EGFR: variants seen among roughly 807,000 people sequenced by gnomAD.
EGFR encodes the protein epidermal growth factor receptor, also known as avian erythroblastic leukemia viral (v-erb-b) oncogene homolog.
In EGFR, 58 loss-of-function variants were observed where a neutral mutation model predicts 143.0. That is an observed-to-expected ratio of 0.41 (90% CI 0.33 to 0.50). The LOEUF is 0.50. Among genes scored for constraint, EGFR ranks in the 20% least tolerant of loss-of-function variants. The probability of loss-of-function intolerance (pLI) is 0.39; values close to 1 mark genes in which losing one functional copy is unlikely to be tolerated. For synonymous variants in EGFR, 613 were observed against 594.4 expected (o/e 1.03, Z -0.45); for missense variants, 1,307 against 1,579.0 (o/e 0.83, Z 2.92).
chr7:55,045,152 G>T (rs1249833736), intron 1 of EGFR, among the ~76,000 whole-genome samples: 1 of 152,166 alleles, frequency 6.6e-6, no homozygotes, highest in Non-Finnish European at 1.5e-5. Context: ...TGGAGTTGGA[G>T]ACCCCAGCTT....
chr7:55,121,609 C>T (rs1387666985), intron 1 of EGFR, among the ~76,000 whole-genome samples: 1 of 152,172 alleles, frequency 6.6e-6, no homozygotes. Context: ...TTGTTCTCTC[C>T]ATTGGAACTC....
chr7:55,137,029 A>G (rs1425771002), intron 1 of EGFR, among the ~76,000 whole-genome samples: 1 of 152,242 alleles, frequency 6.6e-6, no homozygotes, highest in Non-Finnish European at 1.5e-5. Context: ...CATGATTATT[A>G]TTAAGTTATT....
intron 1 of EGFR, among the ~76,000 whole-genome samples, chr7:55,055,704 GCA>G (rs796811031): frequency 0.055 from 5,953 of 108,368 alleles, 161 homozygotes; most frequent in Middle Eastern, 0.21. Context: ...CCTCTTGCAC[GCA>G]CACACACACA....
intron 1 of EGFR, among the ~76,000 whole-genome samples, chr7:55,022,520 C>T (rs1176234439): frequency 3.3e-5 from 5 of 152,164 alleles, no homozygotes. Context: ...TCACTTTGAC[C>T]CTTCAGGCTT....
At chr7:55,151,233 A>G (rs1785134893) in intron 4 of EGFR, 61 bp from the exon 5 acceptor site, 10 of 1,521,368 alleles carry the variant, frequency 6.6e-6, no homozygotes, top group Non-Finnish European at 9.1e-6. Context: ...GGCCCGGGAA[A>G]GGGCGTCATC....
At chr7:55,085,504 T>G (rs1220801891) in intron 1 of EGFR, among the ~76,000 whole-genome samples, 3 of 152,094 alleles carry the variant, frequency 2.0e-5, no homozygotes, top group Non-Finnish European at 4.4e-5. Context: ...AGATGAGGAG[T>G]GTTCTTATCT....
At chr7:55,019,558 A>T (rs1786398426) in intron 1 of EGFR, among the ~76,000 whole-genome samples, 193 bp downstream of exon 1, 1 of 151,896 alleles carries the variant, frequency 6.6e-6, no homozygotes, top group South Asian at 2.1e-4. Context: ...CGGCCGGGAG[A>T]GTCTGGGGCG....
chr7:55,168,694 C>T, intron 15 of EGFR: 1 of 1,088,152 alleles, frequency 9.2e-7, no homozygotes, highest in South Asian at 1.6e-5. Flanking sequence ...TGATTCTGAG[C>T]CTTTTTAGAT....
At chr7:55,175,217 T>C (rs1786545083) in intron 19 of EGFR, among the ~76,000 whole-genome samples, 1 of 152,224 alleles carries the variant, frequency 6.6e-6, no homozygotes, top group South Asian at 2.1e-4. Flanking sequence ...CCCTTGTTAT[T>C]TCTGACTCTG....
chr7:55,131,894 C>T (rs537421577), intron 1 of EGFR, among the ~76,000 whole-genome samples: 1 of 150,336 alleles, frequency 6.7e-6, no homozygotes, highest in South Asian at 2.1e-4. Flanking sequence ...TGGCCCAGTG[C>T]TGCAGAGGTC....
At chr7:55,082,104 C>CCT (rs1790497961) in intron 1 of EGFR, among the ~76,000 whole-genome samples, 1 of 152,174 alleles carries the variant, frequency 6.6e-6, no homozygotes, top group Admixed American at 6.5e-5. Flanking sequence ...CTAGGGCCTT[C>CCT]CTCTCACTGT....
At chr7:55,083,308 G>A (rs1325648655) in intron 1 of EGFR, among the ~76,000 whole-genome samples, 1 of 152,220 alleles carries the variant, frequency 6.6e-6, no homozygotes, top group Non-Finnish European at 1.5e-5. Flanking sequence ...TCTCCAGAAT[G>A]TATTTCAATC....
At chr7:55,081,298 G>A (rs570623550) in intron 1 of EGFR, among the ~76,000 whole-genome samples, 15 of 152,306 alleles carry the variant, frequency 9.8e-5, no homozygotes, top group African/African-American at 2.2e-4. Flanking sequence ...GCCACACACC[G>A]TAACGGAGAT....
rs2128971729 is a variant in EGFR, at chr7:55,201,324, C to T, written c.3083C>T (p.Ser1028Phe). 7 of 1,614,062 alleles carry T rather than the reference C, an allele frequency of 4.3e-6. No individual in the cohort carries two copies. The highest frequency in any genetic ancestry group is 5.9e-6 in the Non-Finnish European group (7 of 1,180,000). ...CAGCAGGGCTTCTTCAGCAGCCCCT[C>T]CACGTCACGGACTCCCCTCCTGAGC... ...IPQQGFFSSP[S>F]TSRTPLLSSL... Residue 1028 changes from serine (S) to phenylalanine (F), a missense_variant, in exon 25 of 28, where the codon TCC becomes TTC. By Grantham distance (155) the Ser-to-Phe change is radical. Coordinates refer to ENST00000275493, the MANE Select transcript of EGFR (RefSeq NM_005228.5).
rs1470750396 is a variant in EGFR, at chr7:55,171,061, ATTAT to A, written c.1881-110_1881-107del. The A allele has an allele frequency of 4.5e-6, 7 of 1,540,420 alleles. No individual in the cohort carries two copies. In the African/African-American group the frequency reaches 5.5e-5, roughly 12 times the overall value. On this transcript the variant is annotated intron_variant, in intron 15 of 27. Coordinates refer to ENST00000275493, the MANE Select transcript of EGFR (RefSeq NM_005228.5). The stretch of plus-strand genomic sequence containing the variant: ...AACATCCAGACACATAGTGATTTTA[ATTAT>A]TTAAGAGTAGTTTAGCATATATTGC...
chr7:55,081,606 C>T (rs940658687), intron 1 of EGFR, among the ~76,000 whole-genome samples: 2 of 152,174 alleles, frequency 1.3e-5, no homozygotes, highest in African/African-American at 4.8e-5. Context: ...ACCATCCTTC[C>T]GTGCTCCCAG....
intron 15 of EGFR, among the ~76,000 whole-genome samples, chr7:55,167,116 T>G (rs1378672794): frequency 5.7e-4 from 46 of 80,256 alleles, no homozygotes; most frequent in Middle Eastern, 0.012. Flanking sequence ...CACAATGGTG[T>G]CAGTGTTGAT....
At chr7:55,067,310 G>A (rs1789562866) in intron 1 of EGFR, among the ~76,000 whole-genome samples, 1 of 146,018 alleles carries the variant, frequency 6.8e-6, no homozygotes, top group Non-Finnish European at 1.5e-5. Context: ...TGTGAAGGGA[G>A]AGCCGGAGCC....
chr7:55,189,242 G>A (rs1369364525), intron 20 of EGFR, among the ~76,000 whole-genome samples: 1 of 152,192 alleles, frequency 6.6e-6, no homozygotes, highest in Non-Finnish European at 1.5e-5. Flanking sequence ...GGTCCCAGTA[G>A]TGGTCTTGGG....
Sources: allele counts gnomAD v4.1 joint callset (sites outside exome capture counted in the v4.1 genomes callset), GRCh38; gene constraint gnomAD v4.1.1; transcripts MANE v1.5; gene names NCBI Gene and HGNC (gene_info 2026-07-23, HGNC 2026-07-21).